Variants in FIG4 observed in about 807,000 individuals in gnomAD.
FIG4 encodes the protein FIG4 phosphoinositide 5-phosphatase.
A neutral mutation model predicts 118.6 loss-of-function variants in FIG4; 112 were observed. The ratio of observed to expected loss-of-function variants is 0.94; its 90% CI spans 0.81 to 1.11. The LOEUF (loss-of-function observed/expected upper bound fraction) is 1.11. Ranked by LOEUF, FIG4 falls within the 50% of genes least tolerant of loss-of-function variation. The pLI is 0.00. For missense variants in FIG4, 969 were observed against 1,111.7 expected, an observed-to-expected ratio of 0.87 and a Z score of 1.83; for synonymous variants, 369 against 381.2, an observed-to-expected ratio of 0.97 and a Z score of 0.37.
Position 109,765,122 on chromosome 6 carries a change from T to G in FIG4, c.1544T>G (p.Ile515Ser), listed in dbSNP as rs370249754. ...TATCAGCTGTATTCACTGGGACTGATTGACAAACCTAATCTACAGTTTGAT... is the reference window on the plus strand; with the variant it reads ...TATCAGCTGTATTCACTGGGACTGAGTGACAAACCTAATCTACAGTTTGAT... ...LAYQLYSLGL[I>S]DKPNLQFDTD... Residue 515 changes from isoleucine to serine, a missense_variant, in exon 14 of 23, where the codon ATT becomes AGT. Ile to Ser is a moderately radical substitution (Grantham distance 142). Coordinates refer to ENST00000230124, the MANE Select transcript of FIG4 (RefSeq NM_014845.6). 1 of 1,613,994 alleles carries G rather than the reference T, an allele frequency of 6.2e-7. No individual in the cohort carries two copies. Among genetic ancestry groups the G allele is most frequent in the Admixed American group, 1.7e-5 (1 of 59,996 alleles).
chr6:109,738,365 A>G lies in FIG4; in HGVS notation c.687A>G (p.Val229=), dbSNP rs1413790682. The change falls in exon 7 of 23, where the codon GTA becomes GTG. Residue 229 remains valine, a synonymous_variant. Transcript: ENST00000230124. ...GTAGTGAGCCTTATATGAAATATGTATGGAATGGTGAACTTCTGGATATAA... is the reference window on the plus strand; with the variant it reads ...GTAGTGAGCCTTATATGAAATATGTGTGGAATGGTGAACTTCTGGATATAA... ...GICSEPYMKY[V]WNGELLDIIK... 2 of 1,610,040 alleles carry G rather than the reference A, an allele frequency of 1.2e-6. No homozygotes were observed. The highest frequency in any genetic ancestry group is 1.7e-6 in the Non-Finnish European group (2 of 1,176,700).
intron 16 of FIG4, among the ~76,000 whole-genome samples, chr6:109,783,467 C>G (rs529072810): frequency 5.9e-5 from 9 of 152,284 alleles, no homozygotes; most frequent in Admixed American, 4.6e-4. Context: ...ACAGTTCCCT[C>G]TTGTGTTTTT....
At chr6:109,703,422 T>A (rs1774963628) in intron 1 of FIG4, among the ~76,000 whole-genome samples, 1 of 152,230 alleles carries the variant, frequency 6.6e-6, no homozygotes. Flanking sequence ...TTCTATTGTG[T>A]AAATTGGATT....
At chr6:109,824,766 C>T (rs145157595) in intron 22 of FIG4, among the ~76,000 whole-genome samples, 1 of 152,294 alleles carries the variant, frequency 6.6e-6, no homozygotes, top group Non-Finnish European at 1.5e-5. Context: ...TCTATACAGC[C>T]TTAGCTAAAG....
At chr6:109,797,575 A>G (rs1472111963) in intron 22 of FIG4, among the ~76,000 whole-genome samples, 2 of 152,124 alleles carry the variant, frequency 1.3e-5, no homozygotes, top group African/African-American at 4.8e-5. Context: ...CTGATGCCGT[A>G]TGCTCAGTTG....
In FIG4 at chr6:109,812,268, T is replaced by C. The variant is rs115478326; in HGVS notation, c.2547-12820T>C. Reference sequence around the variant, plus strand: ...TCAGCCAGTCTCAGGCAGTTCTTTATAGCAGTGTAAAAATGGACTAATATG... The same window carrying C: ...TCAGCCAGTCTCAGGCAGTTCTTTACAGCAGTGTAAAAATGGACTAATATG... On this transcript the variant is annotated intron_variant, in intron 22 of 22. Coordinates refer to ENST00000230124, the MANE Select transcript of FIG4 (RefSeq NM_014845.6). Among the ~76,000 whole-genome samples the C allele has an allele frequency of 2.7e-3, 406 of 152,230 alleles. 5 individuals are homozygous for C. The highest frequency in any genetic ancestry group is 9.4e-3 in the African/African-American group (392 of 41,550).
chr6:109,795,590 C>A (rs2128398184), intron 21 of FIG4, among the ~76,000 whole-genome samples: 2 of 115,624 alleles, frequency 1.7e-5, no homozygotes, highest in Admixed American at 1.1e-4. Context: ...CTTTTGGTTT[C>A]AGTCCTTTTT....
chr6:109,731,247 A>G (rs1775991095), intron 4 of FIG4, among the ~76,000 whole-genome samples: 1 of 152,206 alleles, frequency 6.6e-6, no homozygotes, highest in Non-Finnish European at 1.5e-5. Flanking sequence ...AGTTGGAGTG[A>G]TATTTTAACC....
intron 3 of FIG4, among the ~76,000 whole-genome samples, chr6:109,719,388 G>T (rs554795185): frequency 1.0e-4 from 15 of 147,778 alleles, no homozygotes; most frequent in South Asian, 6.4e-4. Context: ...GTGTGTGTGT[G>T]TTTTTTTTTT....
intron 22 of FIG4, among the ~76,000 whole-genome samples, chr6:109,817,464 T>C (rs768804375): frequency 1.3e-5 from 2 of 152,202 alleles, no homozygotes; most frequent in Non-Finnish European, 2.9e-5. Context: ...GGAAGCATTT[T>C]ACCTATTTCA....
intron 6 of FIG4, among the ~76,000 whole-genome samples, chr6:109,736,571 A>G (rs1399184003): frequency 6.6e-6 from 1 of 152,172 alleles, no homozygotes; most frequent in African/African-American, 2.4e-5. Flanking sequence ...TTGTAATACA[A>G]AAGCTGAAAG....
At chr6:109,798,210 G>A (rs1778338095) in intron 22 of FIG4, among the ~76,000 whole-genome samples, 1 of 152,164 alleles carries the variant, frequency 6.6e-6, no homozygotes, top group Non-Finnish European at 1.5e-5. Context: ...AGGATTTTGA[G>A]AATGGGATGG....
rs1197412787 is a variant in FIG4, at chr6:109,786,438, A to C, written c.2085A>C (p.Thr695=). 26 of 1,613,790 alleles carry C rather than the reference A, an allele frequency of 1.6e-5. No homozygotes were observed. The highest frequency in any genetic ancestry group is 2.2e-5 in the Non-Finnish European group (26 of 1,179,800). ...ATGATACCTTTTGCTTGGCTATGAC[A>C]AGCTCAGCACGGTATGTTGTGTGTA... is the stretch of plus-strand genomic sequence containing the variant. ...SFDDTFCLAM[T]SSARDFMPKT... is the part of the protein sequence containing the mutation. Residue 695 remains threonine (T), a synonymous_variant, in exon 18 of 23, where the codon ACA becomes ACC. Coordinates refer to ENST00000230124, the MANE Select transcript of FIG4 (RefSeq NM_014845.6).
intron 9 of FIG4, 61 bp from the exon 10 acceptor site, chr6:109,743,614 C>T: frequency 7.8e-7 from 1 of 1,277,282 alleles, no homozygotes; most frequent in Non-Finnish European, 1.1e-6. Context: ...CAACCCTATG[C>T]TTCTTTTATT....
intron 4 of FIG4, among the ~76,000 whole-genome samples, chr6:109,731,976 A>G (rs569119876): frequency 6.6e-6 from 1 of 152,202 alleles, no homozygotes; most frequent in East Asian, 1.9e-4. Flanking sequence ...ATATAATGCT[A>G]TGTATTATTT....
At position 109,749,588 on chromosome 6, in the gene FIG4, T is replaced by TAATAA. The variant is rs56866401; in HGVS notation, c.1137+5844_1137+5848dup. ...TAGACAGAGCACGACCCTGCCTCAA[T>TAATAA]AATAAAATAAAATAAAATAAAATAA... On this transcript the variant is annotated intron_variant, in intron 10 of 22. Transcript: ENST00000230124. 4.2e-3 allele frequency among the ~76,000 whole-genome samples: 597 copies of TAATAA among 141,830 alleles called. 10 individuals carry two copies. The highest frequency in any genetic ancestry group is 0.013 in the African/African-American group (505 of 38,126). The allele number at this position is 141,830 out of a possible 152,430, so 93.0% of individuals were successfully genotyped here.
chr6:109,759,261 C>G (rs1777022508), intron 10 of FIG4, among the ~76,000 whole-genome samples: 1 of 152,078 alleles, frequency 6.6e-6, no homozygotes, highest in African/African-American at 2.4e-5. Context: ...GAATACTATG[C>G]AGCCATAAAA....
intron 21 of FIG4, among the ~76,000 whole-genome samples, chr6:109,794,732 C>T (rs6568609): frequency 0.057 from 8,735 of 152,252 alleles, 851 homozygotes; most frequent in African/African-American, 0.2. Context: ...CCTGCCACCC[C>T]GTTTCTGCAC....
chr6:109,738,795 A>G (rs898921615), intron 7 of FIG4, among the ~76,000 whole-genome samples: 4 of 152,194 alleles, frequency 2.6e-5, no homozygotes, highest in African/African-American at 9.6e-5. Context: ...GCCCTAAACA[A>G]AAGTCAGTGC....
Sources: gnomAD v4.1 joint callset for allele counts (sites outside exome capture counted in the v4.1 genomes callset) on GRCh38, gnomAD v4.1.1 for gene constraint, MANE v1.5 for transcripts, NCBI Gene and HGNC (gene_info 2026-07-23, HGNC 2026-07-21) for gene names.